Variants in PDE11A observed in about 807,000 individuals in gnomAD.
The protein encoded by PDE11A is dual 3',5'-cyclic-AMP and -GMP phosphodiesterase 11A.
A neutral mutation model predicts 100.5 loss-of-function variants in PDE11A; 100 were observed. The observed-to-expected ratio is 1.00, with a 90% CI of 0.85 to 1.18. PDE11A has a LOEUF of 1.18. Ranked by LOEUF, PDE11A falls within the 50% of genes most tolerant of loss-of-function variation. PDE11A has a pLI of 0.00. For missense variants in PDE11A, 1,141 were observed against 1,152.6 expected (o/e 0.99, Z 0.15); for synonymous variants, 381 against 420.8 (o/e 0.91, Z 1.16).
intron 9 of PDE11A, among the ~76,000 whole-genome samples, chr2:177,782,854 C>G (rs1407117917): frequency 6.6e-6 from 1 of 151,538 alleles, no homozygotes; most frequent in African/African-American, 2.4e-5. Context: ...TCCATCCTTC[C>G]CTTCCTTCTT....
chr2:177,869,631 T>C (rs2084094150), intron 5 of PDE11A, among the ~76,000 whole-genome samples: 1 of 152,188 alleles, frequency 6.6e-6, no homozygotes, highest in African/African-American at 2.4e-5. Context: ...ATCTTAATTA[T>C]CTCTGTAATC....
At chr2:177,984,757 G>C (rs916460286) in intron 2 of PDE11A, among the ~76,000 whole-genome samples, 1 of 152,176 alleles carries the variant, frequency 6.6e-6, no homozygotes, top group African/African-American at 2.4e-5. Flanking sequence ...TTAATAAAGA[G>C]AAAACAGAGG....
chr2:177,943,291 T>C (rs1328376439), intron 2 of PDE11A, among the ~76,000 whole-genome samples: 1 of 152,220 alleles, frequency 6.6e-6, no homozygotes, highest in Non-Finnish European at 1.5e-5. Context: ...TTTAAAGAAA[T>C]GCCATACTGT....
chr2:177,905,448 G>C (rs960615272), intron 2 of PDE11A, among the ~76,000 whole-genome samples: 9 of 152,142 alleles, frequency 5.9e-5, no homozygotes, highest in African/African-American at 2.2e-4. Flanking sequence ...CAGATTATGA[G>C]GGCTGTGACA....
At chr2:178,021,562 C>T (rs2086412161) in intron 1 of PDE11A, among the ~76,000 whole-genome samples, 1 of 151,984 alleles carries the variant, frequency 6.6e-6, no homozygotes, top group South Asian at 2.1e-4. Context: ...GAACATGTTA[C>T]TCTGATATTA....
intron 15 of PDE11A, among the ~76,000 whole-genome samples, chr2:177,690,107 T>C (rs2081021020): frequency 6.6e-6 from 1 of 152,168 alleles, no homozygotes; most frequent in South Asian, 2.1e-4. Context: ...CATTTTTTAG[T>C]CAGTTTTGAT....
chr2:177,723,545 C>T (rs1257538460), intron 12 of PDE11A, among the ~76,000 whole-genome samples: 1 of 152,088 alleles, frequency 6.6e-6, no homozygotes, highest in Non-Finnish European at 1.5e-5. Context: ...CTAGCTGAAC[C>T]TTAGTGTGAT....
upstream of PDE11A, among the ~76,000 whole-genome samples, chr2:178,074,082 T>G (rs1574385089): frequency 6.6e-6 from 1 of 152,168 alleles, no homozygotes; most frequent in Non-Finnish European, 1.5e-5. Context: ...AGTACTCGAA[T>G]GAAGCTTAAA....
At chr2:177,666,185 T>C (rs1259430469) in intron 18 of PDE11A, among the ~76,000 whole-genome samples, 1 of 152,258 alleles carries the variant, frequency 6.6e-6, no homozygotes, top group African/African-American at 2.4e-5. Flanking sequence ...ATATGTGGTC[T>C]TTTGTGACTT....
chr2:177,853,948 CTA>C (rs998526305), intron 5 of PDE11A, among the ~76,000 whole-genome samples: 25 of 143,874 alleles, frequency 1.7e-4, no homozygotes, highest in African/African-American at 5.4e-4. Context: ...GTATATATAT[CTA>C]TATATATGTG....
intron 2 of PDE11A, among the ~76,000 whole-genome samples, chr2:177,912,520 A>G (rs1057472482): frequency 3.3e-5 from 5 of 152,078 alleles, no homozygotes; most frequent in East Asian, 1.9e-4. Flanking sequence ...CCTTATTTCT[A>G]TTTGGTCCTA....
chr2:177,663,814 T>C, intron 19 of PDE11A, 52 bp downstream of exon 19: 1 of 1,027,192 alleles, frequency 9.7e-7, no homozygotes, highest in Non-Finnish European at 1.6e-6. Flanking sequence ...AAATACACAC[T>C]TTTCCTTTTC....
rs765162890 is a variant in PDE11A, at chr2:177,680,827, G to A, written c.2422C>T (p.Arg808Ter). The A allele has an allele frequency of 1.8e-5, 28 of 1,549,932 alleles. No homozygotes were observed. The highest frequency in any genetic ancestry group is 2.5e-5 in the Non-Finnish European group (28 of 1,123,348). Reference protein sequence around the residue: ...WNIKNHRDIFRSMLMTACDLG... With the variant: ...WNIKNHRDIF ...ACATAAACAAGAGCTTTTTCTTACC[G>A]AAATATATCACGATGGTTTTTGATG... Residue 808 changes from arginine (R) to a stop codon, truncating the protein, a stop_gained and splice_region_variant, in exon 16 of 20, where the codon CGA becomes TGA. Coordinates refer to ENST00000286063, the MANE Select transcript of PDE11A (RefSeq NM_016953.4). LOFTEE classifies it high-confidence loss of function.
intron 2 of PDE11A, among the ~76,000 whole-genome samples, chr2:177,969,677 T>C (rs1017706168): frequency 1.3e-5 from 2 of 152,156 alleles, no homozygotes; most frequent in Admixed American, 1.3e-4. Context: ...AACAATCAGA[T>C]CTTAGTGACT....
chr2:177,714,559 T>C (rs1284807121), intron 12 of PDE11A, among the ~76,000 whole-genome samples: 1 of 152,154 alleles, frequency 6.6e-6, no homozygotes, highest in East Asian at 1.9e-4. Flanking sequence ...TAGCATCCTT[T>C]CACCAGAATC....
chr2:178,018,418 C>T, intron 1 of PDE11A: 1 of 363,276 alleles, frequency 2.8e-6, no homozygotes. Context: ...TTTCAACTAT[C>T]ATGATGGGGG....
chr2:177,973,244 C>G (rs980523534), intron 2 of PDE11A, among the ~76,000 whole-genome samples: 3 of 133,620 alleles, frequency 2.2e-5, no homozygotes, highest in Non-Finnish European at 4.8e-5. Flanking sequence ...CGTGCGCGAG[C>G]CGAAGCAGGG....
intron 10 of PDE11A, among the ~76,000 whole-genome samples, chr2:177,748,094 T>C (rs1479982662): frequency 1.3e-5 from 2 of 152,198 alleles, no homozygotes; most frequent in African/African-American, 2.4e-5. Context: ...GTAGCTTGTG[T>C]CTGGAATACG....
rs74660778 is a variant in PDE11A, at chr2:177,626,036, G to A, written c.*3371C>T. Reference sequence around the variant, plus strand: ...CTAGATTGATGGTTGACATTGTCAGGGCTCCACTGTATGGCAGATTGCAAT... The same window carrying A: ...CTAGATTGATGGTTGACATTGTCAGAGCTCCACTGTATGGCAGATTGCAAT... On this transcript the variant is annotated 3_prime_UTR_variant, in exon 20 of 20. Coordinates refer to ENST00000286063, the MANE Select transcript of PDE11A (RefSeq NM_016953.4). 4,003 of 152,566 alleles carry A rather than the reference G, an allele frequency of 0.026. 94 individuals carry two copies. The highest frequency in any genetic ancestry group is 0.072 in the South Asian group (347 of 4,822). The allele number at this position is 152,566 out of a possible 1,614,324, so 9.5% of individuals were successfully genotyped here. A position where few individuals can be genotyped will look rare whatever the true frequency, so the allele number is the denominator to read the frequency against.
Sources: allele counts gnomAD v4.1 joint callset (sites outside exome capture counted in the v4.1 genomes callset), GRCh38; gene constraint gnomAD v4.1.1; transcripts MANE v1.5; gene names NCBI Gene and HGNC (gene_info 2026-07-23, HGNC 2026-07-21).